HADHA: variants seen among roughly 807,000 people sequenced by gnomAD.
HADHA encodes trifunctional enzyme subunit alpha, mitochondrial.
HADHA carries 59 observed loss-of-function variants against 91.3 expected under a neutral mutation model. The observed-to-expected ratio is 0.65, with a 90% CI of 0.52 to 0.80. HADHA has a LOEUF of 0.80. Among genes scored for constraint, HADHA ranks in the 30% least tolerant of loss-of-function variants. The probability of loss-of-function intolerance (pLI) is 0.00; values close to 1 mark genes in which losing one functional copy is unlikely to be tolerated. For synonymous variants in HADHA, 320 were observed against 338.9 expected (o/e 0.94, Z 0.61); for missense variants, 800 against 927.6 (o/e 0.86, Z 1.79).
intron 13 of HADHA, among the ~76,000 whole-genome samples, chr2:26,198,876 C>T (rs907049016): frequency 2.6e-5 from 4 of 151,678 alleles, no homozygotes; most frequent in African/African-American, 7.3e-5. Flanking sequence ...ATAGTGAGAC[C>T]CTATATCTAC....
chr2:26,216,289 C>T (rs369780290), intron 7 of HADHA, among the ~76,000 whole-genome samples: 10 of 151,512 alleles, frequency 6.6e-5, no homozygotes, highest in African/African-American at 2.4e-4. Flanking sequence ...AGACATACAA[C>T]CAATCTCTCC....
At chr2:26,240,379 T>C (rs1197438105) in intron 1 of HADHA, among the ~76,000 whole-genome samples, 1 of 152,124 alleles carries the variant, frequency 6.6e-6, no homozygotes, top group Non-Finnish European at 1.5e-5. Flanking sequence ...GGATATGATA[T>C]CTGGGAAGAA....
At position 26,210,623 on chromosome 2, in the gene HADHA, CG is replaced by C; in HGVS notation, c.976-735del. 6.6e-6 allele frequency: 1 copy of C among 152,520 alleles called. No homozygotes were observed. The highest frequency in any genetic ancestry group is 2.4e-5 in the African/African-American group (1 of 41,578). 9.4% of individuals were successfully genotyped at this position (152,520 alleles called of 1,614,324 possible). A position where few individuals can be genotyped will look rare whatever the true frequency, so the allele number is the denominator to read the frequency against. The stretch of plus-strand genomic sequence containing the variant: ...CCTTCCAAAGTGCTGGGATTACAGG[CG>C]TGAGCCACCGTGCCTCGCCTCGAAC... On this transcript the variant is annotated intron_variant, in intron 10 of 19. Transcript: ENST00000380649. This position sits in a 1 kb window ranked among gnomAD's most constrained non-coding sequence, Gnocchi z 4.0.
At chr2:26,226,901 A>G (rs2147777772) in intron 7 of HADHA, among the ~76,000 whole-genome samples, 1 of 152,328 alleles carries the variant, frequency 6.6e-6, no homozygotes, top group East Asian at 1.9e-4. Context: ...AGTTAGAGAA[A>G]TATTTTTTAG....
intron 14 of HADHA, among the ~76,000 whole-genome samples, chr2:26,197,032 TGTATTAA>T (rs1669695028): frequency 6.6e-6 from 1 of 152,246 alleles, no homozygotes; most frequent in Non-Finnish European, 1.5e-5. Context: ...ACATAGAATT[TGTATTAA>T]CACTTTCAGC....
At chr2:26,240,703 T>G (rs1670869740) in intron 1 of HADHA, among the ~76,000 whole-genome samples, 1 of 152,190 alleles carries the variant, frequency 6.6e-6, no homozygotes, top group Non-Finnish European at 1.5e-5. Flanking sequence ...AGGCTGGTCT[T>G]GAACTCCTGG....
At chr2:26,193,524 G>C in intron 17 of HADHA, 53 bp downstream of exon 17, 1 of 1,431,158 alleles carries the variant, frequency 7.0e-7, no homozygotes, top group Non-Finnish European at 9.9e-7. Flanking sequence ...CTCAGGAACT[G>C]CTTAGAACTT....
chr2:26,212,101 G>T, intron 10 of HADHA: 1 of 162,618 alleles, frequency 6.1e-6, no homozygotes, highest in South Asian at 1.6e-4. Flanking sequence ...TTTTTTTTTG[G>T]AGACAGGGTC....
At chr2:26,223,095 G>A (rs1286525560) in intron 7 of HADHA, among the ~76,000 whole-genome samples, 2 of 152,074 alleles carry the variant, frequency 1.3e-5, no homozygotes, top group Non-Finnish European at 2.9e-5. Flanking sequence ...CTGTCTAGAG[G>A]GCTCAGTTCC....
chr2:26,244,497 C>T (rs1278770638), intron 1 of HADHA, 33 bp downstream of exon 1: 5 of 1,554,640 alleles, frequency 3.2e-6, no homozygotes, highest in Non-Finnish European at 4.4e-6. Context: ...GAGTTCTGCC[C>T]GGAGGTCTGG....
At chr2:26,235,071 G>T (rs1473903307) in intron 4 of HADHA, 1 of 152,250 alleles carries the variant, frequency 6.6e-6, no homozygotes, top group Non-Finnish European at 1.5e-5. Context: ...CACTTTGAGA[G>T]GCCAAGGCAG....
intron 7 of HADHA, among the ~76,000 whole-genome samples, chr2:26,218,727 G>A (rs888679616): frequency 2.6e-5 from 4 of 151,850 alleles, no homozygotes; most frequent in Non-Finnish European, 4.4e-5. Flanking sequence ...ATTGAAAACC[G>A]GCCAGGTGTG....
In HADHA at chr2:26,212,580, C is replaced by G. The variant is rs1670128436; in HGVS notation, c.965G>C (p.Cys322Ser). Residue 322 changes from cysteine (C) to serine (S), a missense_variant, in exon 10 of 20, where the codon TGT becomes TCT. Coordinates refer to ENST00000380649, the MANE Select transcript of HADHA (RefSeq NM_000182.5). ...IEQGSDAGYL[C>S]ESQKFGELVM... The stretch of plus-strand genomic sequence containing the variant: ...AGGAAATAAGTTTACCTGAGATTCA[C>G]AGAGATAACCGGCATCACTCCCTTG... 1.3e-6 allele frequency: 2 copies of G among 1,581,900 alleles called. No individual in the cohort carries two copies. The highest frequency in any genetic ancestry group is 1.7e-6 in the Non-Finnish European group (2 of 1,150,476).
At chr2:26,204,006 A>G (rs899495340) in intron 12 of HADHA, 56 bp downstream of exon 12, 2 of 1,581,732 alleles carry the variant, frequency 1.3e-6, no homozygotes, top group African/African-American at 1.3e-5. Flanking sequence ...ACAAAAAACA[A>G]CTAACCAAGA....
At chr2:26,193,490 C>G (rs537946034) in intron 17 of HADHA, 87 bp downstream of exon 17, 2 of 1,125,846 alleles carry the variant, frequency 1.8e-6, no homozygotes, top group Non-Finnish European at 2.7e-6. Context: ...CTTTCTTCCA[C>G]GAGGGCTTCT....
At chr2:26,205,560 C>T (rs1046237649) in intron 11 of HADHA, among the ~76,000 whole-genome samples, 2 of 152,230 alleles carry the variant, frequency 1.3e-5, no homozygotes, top group African/African-American at 4.8e-5. Context: ...TGGCTTACGC[C>T]TGTAATCCCA....
At chr2:26,239,037 T>A in intron 2 of HADHA, 33 bp from the exon 3 acceptor site, 2 of 1,566,198 alleles carry the variant, frequency 1.3e-6, no homozygotes, top group South Asian at 2.2e-5. Flanking sequence ...TTTGTAAACA[T>A]ATTTATTGCA....
intron 7 of HADHA, among the ~76,000 whole-genome samples, chr2:26,216,085 T>C (rs1022494498): frequency 6.6e-6 from 1 of 152,110 alleles, no homozygotes; most frequent in East Asian, 1.9e-4. Flanking sequence ...CTGGGCAACA[T>C]AGTGAGACCC....
In HADHA at chr2:26,239,134, C is replaced by T. The variant is rs1241984048; in HGVS notation, c.77G>A (p.Cys26Tyr). 3.1e-6 allele frequency: 5 copies of T among 1,602,482 alleles called. No individual in the cohort carries two copies. The highest frequency in any genetic ancestry group is 1.1e-5 in the South Asian group (1 of 90,780). The change falls in exon 2 of 20, where the codon TGC becomes TAC. Residue 26 changes from cysteine (C) to tyrosine (Y), a missense_variant. Transcript: ENST00000380649. The stretch of plus-strand genomic sequence containing the variant: ...AGCAGAAGACCCTGTAAAATTGCGG[C>T]ATATATAACCTGTAAGAAAAGACAT... ...FRILRSRGYI[C>Y]RNFTGSSALL... is the part of the protein sequence containing the mutation.
Sources: gnomAD v4.1 joint callset for allele counts (sites outside exome capture counted in the v4.1 genomes callset) on GRCh38, gnomAD v4.1.1 for gene constraint, Gnocchi (gnomAD v3.1) non-coding constraint, MANE v1.5 for transcripts, NCBI Gene and HGNC (gene_info 2026-07-23, HGNC 2026-07-21) for gene names.